Variants in GRIK4 observed in about 807,000 individuals in gnomAD.
The protein encoded by GRIK4 is glutamate receptor ionotropic, kainate 4.
A neutral mutation model predicts 104.9 loss-of-function variants in GRIK4; 40 were observed. The ratio of observed to expected loss-of-function variants is 0.38; its 90% confidence interval spans 0.30 to 0.50. The LOEUF (loss-of-function observed/expected upper bound fraction) is 0.50, where lower values mean the gene tolerates loss of function less well. Ranked by LOEUF, GRIK4 falls within the 20% of genes least tolerant of loss-of-function variation. The pLI is 0.93. For missense variants in GRIK4, 1,047 were observed against 1,308.1 expected, an observed-to-expected ratio of 0.80 and a Z score of 3.08; for synonymous variants, 485 against 524.9, an observed-to-expected ratio of 0.92 and a Z score of 1.04.
intron 3 of GRIK4, among the ~76,000 whole-genome samples, chr11:120,666,170 C>T (rs549386577): frequency 3.9e-5 from 6 of 152,320 alleles, no homozygotes; most frequent in African/African-American, 1.2e-4. Flanking sequence ...ATAGCGTGTT[C>T]TTACACACAT....
intron 13 of GRIK4, among the ~76,000 whole-genome samples, chr11:120,916,512 G>A (rs1943107986): frequency 6.6e-6 from 1 of 152,164 alleles, no homozygotes; most frequent in Admixed American, 6.5e-5. Context: ...CTAACACAGT[G>A]CCTGAAACAC....
At chr11:120,605,747 G>A (rs1948951858) in intron 1 of GRIK4, among the ~76,000 whole-genome samples, 1 of 152,270 alleles carries the variant, frequency 6.6e-6, no homozygotes, top group Non-Finnish European at 1.5e-5. Flanking sequence ...GCTGGGCACA[G>A]AGCGTGGAGA....
intron 13 of GRIK4, among the ~76,000 whole-genome samples, chr11:120,927,521 A>T (rs1943374983): frequency 6.8e-6 from 1 of 147,372 alleles, no homozygotes; most frequent in Non-Finnish European, 1.5e-5. Flanking sequence ...GAACCACATC[A>T]CATCACTGCC....
intron 1 of GRIK4, among the ~76,000 whole-genome samples, chr11:120,538,159 C>A (rs1383485082): frequency 6.6e-6 from 1 of 152,226 alleles, no homozygotes; most frequent in Non-Finnish European, 1.5e-5. Context: ...GCCTCTGGAG[C>A]GGCACGCATC....
chr11:120,777,892 G>A (rs927016344), intron 3 of GRIK4, among the ~76,000 whole-genome samples: 3 of 148,026 alleles, frequency 2.0e-5, no homozygotes, highest in Non-Finnish European at 4.4e-5. Context: ...AGTTGAGGTA[G>A]CACCACTGCA....
At chr11:120,688,468 A>G (rs1323953287) in intron 3 of GRIK4, among the ~76,000 whole-genome samples, 2 of 152,216 alleles carry the variant, frequency 1.3e-5, no homozygotes, top group African/African-American at 4.8e-5. Flanking sequence ...GGGCTGCCTC[A>G]CCATGAAGAA....
intron 3 of GRIK4, among the ~76,000 whole-genome samples, chr11:120,749,747 G>A (rs1007664775): frequency 6.6e-6 from 1 of 152,206 alleles, no homozygotes; most frequent in Admixed American, 6.5e-5. Context: ...GGGCCCCACA[G>A]CACAACCTTC....
chr11:120,516,259 G>A (rs2136069434), intron 1 of GRIK4, among the ~76,000 whole-genome samples: 1 of 152,264 alleles, frequency 6.6e-6, no homozygotes, highest in East Asian at 1.9e-4. Flanking sequence ...AACATGGCGT[G>A]TGTGTTGATT....
intron 4 of GRIK4, among the ~76,000 whole-genome samples, chr11:120,810,260 C>A (rs1336197209): frequency 2.0e-5 from 3 of 152,146 alleles, no homozygotes; most frequent in Non-Finnish European, 4.4e-5. Flanking sequence ...AGTTTCAGAG[C>A]CTTTTGGACT....
chr11:120,650,997 T>C (rs552670802), intron 1 of GRIK4, among the ~76,000 whole-genome samples: 16 of 152,346 alleles, frequency 1.1e-4, no homozygotes, highest in East Asian at 3.9e-4. Flanking sequence ...CGCAGCCCTC[T>C]ACTTCCAATC....
At position 120,967,102 on chromosome 11, in the gene GRIK4, G is replaced by A; in HGVS notation, c.2267-93G>A. 1.4e-6 allele frequency: 2 copies of A among 1,404,580 alleles called. No homozygotes were observed. Among genetic ancestry groups the A allele is most frequent in the Non-Finnish European group, 2.0e-6 (2 of 1,024,124 alleles). The allele number at this position is 1,404,580 out of a possible 1,614,324, so 87.0% of individuals were successfully genotyped here. A position where few individuals can be genotyped will look rare whatever the true frequency, so the allele number is the denominator to read the frequency against. Reference sequence around the variant, plus strand: ...TCCCCTCTCGAGGTGAAAGCAGGCAGGGTGGCCAGGAGGTGTGCCGGGAAG... The same window carrying A: ...TCCCCTCTCGAGGTGAAAGCAGGCAAGGTGGCCAGGAGGTGTGCCGGGAAG... On this transcript the variant is annotated intron_variant, in intron 18 of 20. Coordinates refer to ENST00000527524, the MANE Select transcript of GRIK4 (RefSeq NM_014619.5). This position sits in a 1 kb window ranked among gnomAD's most constrained non-coding sequence, Gnocchi z 4.2.
intron 1 of GRIK4, among the ~76,000 whole-genome samples, chr11:120,579,191 G>A (rs1948529656): frequency 1.3e-5 from 2 of 152,020 alleles, no homozygotes; most frequent in South Asian, 4.2e-4. Flanking sequence ...CCATAAACAA[G>A]GATGATTGGG....
At chr11:120,891,672 T>G (rs1227129756) in intron 11 of GRIK4, among the ~76,000 whole-genome samples, 1 of 152,200 alleles carries the variant, frequency 6.6e-6, no homozygotes, top group African/African-American at 2.4e-5. Context: ...AAGCTGGCCA[T>G]GATCCCTACT....
At chr11:120,692,156 C>T (rs1950375759) in intron 3 of GRIK4, among the ~76,000 whole-genome samples, 1 of 152,224 alleles carries the variant, frequency 6.6e-6, no homozygotes, top group Non-Finnish European at 1.5e-5. Flanking sequence ...CAGTTGTCTT[C>T]CATGGCACTT....
At position 120,981,816 on chromosome 11, in the gene GRIK4, G is replaced by A. The variant is rs555491541; in HGVS notation, c.2396-290G>A. On this transcript the variant is annotated intron_variant, in intron 19 of 20. Coordinates refer to ENST00000527524, the MANE Select transcript of GRIK4 (RefSeq NM_014619.5). ...TTTGCCCGAGCCCTTTTCTTAAATG[G>A]TCCTCACCTCCCAGCCCCAGACACC... Among the ~76,000 whole-genome samples, 5 of 152,176 alleles carry A rather than the reference G, an allele frequency of 3.3e-5. No homozygotes were observed. The East Asian group carries it at 5.8e-4, about 18-fold the overall frequency.
In GRIK4 at chr11:120,568,963, G is replaced by C. The variant is rs376978084; in HGVS notation, c.-159+57076G>C. On this transcript the variant is annotated intron_variant, in intron 1 of 20. Coordinates refer to ENST00000527524, the MANE Select transcript of GRIK4 (RefSeq NM_014619.5). ...CATTTTTCAGGTACTTTTATGTTAA[G>C]CCTCTCTAATGTGCCCCAAAATATT... 3.3e-5 allele frequency among the ~76,000 whole-genome samples: 5 copies of C among 152,220 alleles called. No individual in the cohort carries two copies. In the South Asian group the frequency reaches 1.0e-3, roughly 32 times the overall value.
At position 120,604,759 on chromosome 11, in the gene GRIK4, CTT is replaced by C. The variant is rs1948937257; in HGVS notation, c.-158-48924_-158-48923del. On this transcript the variant is annotated intron_variant, in intron 1 of 20. Coordinates refer to ENST00000527524, the MANE Select transcript of GRIK4 (RefSeq NM_014619.5). ...GCATTGGTGGTTCCCAAATCTGCCT[CTT>C]TGTCAGAGTCATCCAGAGAGCTTTA... is the stretch of plus-strand genomic sequence containing the variant. Among the ~76,000 whole-genome samples, 4 of 152,206 alleles carry C rather than the reference CTT, an allele frequency of 2.6e-5. No individual in the cohort carries two copies. The South Asian group carries it at 8.3e-4, about 32-fold the overall frequency.
chr11:120,512,104 G>A (rs1947667366), intron 1 of GRIK4, among the ~76,000 whole-genome samples: 1 of 142,520 alleles, frequency 7.0e-6, no homozygotes, highest in Non-Finnish European at 1.5e-5. Flanking sequence ...CTGGCACTTC[G>A]GTCCCTGCGT....
chr11:120,834,808 A>G (rs936950386), intron 7 of GRIK4, among the ~76,000 whole-genome samples: 8 of 152,174 alleles, frequency 5.3e-5, no homozygotes, highest in African/African-American at 1.7e-4. Context: ...AAAACCAAGG[A>G]TCTCTTGTCT....
Sources: allele counts gnomAD v4.1 joint callset (sites outside exome capture counted in the v4.1 genomes callset), GRCh38; gene constraint gnomAD v4.1.1; non-coding constraint Gnocchi (gnomAD v3.1); transcripts MANE v1.5; gene names NCBI Gene and HGNC (gene_info 2026-07-23, HGNC 2026-07-21).